The following C11orf65 variants were observed in gnomAD, a reference collection of about 807,000 sequenced individuals.
C11orf65 encodes the protein protein MFI.
C11orf65 carries 38 observed loss-of-function variants against 35.3 expected under a neutral mutation model. That is an observed-to-expected ratio of 1.08 (90% CI 0.83 to 1.41). The LOEUF (loss-of-function observed/expected upper bound fraction) is 1.41, where lower values mean the gene tolerates loss of function less well. Among genes scored for constraint, C11orf65 ranks in the 40% most tolerant of loss-of-function variants. The probability of loss-of-function intolerance (pLI) is 0.00; values close to 1 mark genes in which losing one functional copy is unlikely to be tolerated. For missense variants in C11orf65, 370 were observed against 367.1 expected (o/e 1.01, Z -0.06); for synonymous variants, 105 against 114.4 (o/e 0.92, Z 0.53).
chr11:108,332,139 C>T (rs1261720941), intron 3 of C11orf65: 4 of 1,459,522 alleles, frequency 2.7e-6, no homozygotes, highest in Non-Finnish European at 3.7e-6. Context: ...CATCTAAAAT[C>T]GGTTCAAGGC....
downstream of C11orf65, among the ~76,000 whole-genome samples, chr11:108,329,829 T>C (rs1001587523): frequency 1.3e-5 from 2 of 152,228 alleles, no homozygotes; most frequent in African/African-American, 4.8e-5. Flanking sequence ...ATTAGCTTTC[T>C]GTTTTGCTTT....
At chr11:108,441,862 G>A (rs1241174542) in intron 2 of C11orf65, among the ~76,000 whole-genome samples, 2 of 152,152 alleles carry the variant, frequency 1.3e-5, no homozygotes, top group South Asian at 2.1e-4. Flanking sequence ...CCACAAAGAC[G>A]GGGAGAAACC....
At chr11:108,431,914 CA>C in intron 2 of C11orf65, 76 bp from the exon 3 acceptor site, 2 of 772,814 alleles carry the variant, frequency 2.6e-6, no homozygotes, top group East Asian at 2.7e-5. Context: ...CTAATCAGGG[CA>C]AAAACGAATA....
chr11:108,455,681 C>T (rs1254510767), intron 2 of C11orf65, among the ~76,000 whole-genome samples: 9 of 151,570 alleles, frequency 5.9e-5, no homozygotes, highest in Admixed American at 6.6e-5. Context: ...TCAGGTGTGG[C>T]GGCACATGCC....
intron 2 of C11orf65, among the ~76,000 whole-genome samples, chr11:108,359,446 C>T (rs1402217049): frequency 6.6e-6 from 1 of 152,022 alleles, no homozygotes; most frequent in African/African-American, 2.4e-5. Context: ...CCAAGCGGAC[C>T]TAATAGACAT....
At chr11:108,345,968 G>A (rs1476557809) in intron 2 of C11orf65, 1 of 1,592,556 alleles carries the variant, frequency 6.3e-7, no homozygotes. Context: ...TTTTATTTTT[G>A]TTTGATTCAG....
chr11:108,359,889 A>G (rs998355596), intron 2 of C11orf65, among the ~76,000 whole-genome samples: 1 of 152,218 alleles, frequency 6.6e-6, no homozygotes, highest in Admixed American at 6.5e-5. Flanking sequence ...TAAAAGAGCT[A>G]GAAAAGGAAG....
chr11:108,412,257 G>A (rs767059302), intron 3 of C11orf65, among the ~76,000 whole-genome samples: 25 of 151,340 alleles, frequency 1.7e-4, no homozygotes, highest in Non-Finnish European at 2.7e-4. Context: ...ACATGAAATC[G>A]TATAAAATGC....
rs749193688 is a variant in C11orf65, at chr11:108,345,896, A to G, written c.227-10604T>C. ...ATTGGCTTATACGCGCAGTGTAGCT[A>G]CTTCTTCTATTGGTAATCTTCTTGT... On this transcript the variant is annotated intron_variant, in intron 2 of 3. Coordinates refer to the C11orf65 transcript ENST00000524755. 7.4e-6 allele frequency: 12 copies of G among 1,613,662 alleles called. No individual in the cohort carries two copies. Among genetic ancestry groups the G allele is most frequent in the Admixed American group, 5.0e-5 (3 of 59,988 alleles).
chr11:108,353,625 A>C, intron 2 of C11orf65: 1 of 686,498 alleles, frequency 1.5e-6, no homozygotes, highest in Non-Finnish European at 2.6e-6. Flanking sequence ...CAGCCAGAGC[A>C]GAAGTAAACT....
intron 3 of C11orf65, among the ~76,000 whole-genome samples, chr11:108,407,364 T>C (rs1160878686): frequency 6.6e-6 from 1 of 152,032 alleles, no homozygotes; most frequent in Non-Finnish European, 1.5e-5. Flanking sequence ...CAGGCTGGAG[T>C]GCGGTGGCAT....
chr11:108,309,484 G>A (rs1018102545), intron 6 of C11orf65, among the ~76,000 whole-genome samples: 1 of 152,170 alleles, frequency 6.6e-6, no homozygotes, highest in African/African-American at 2.4e-5. Flanking sequence ...GGTTTAAGAA[G>A]TTAAGTTGCT....
intron 2 of C11orf65, among the ~76,000 whole-genome samples, chr11:108,448,294 A>C (rs955017200): frequency 1.3e-5 from 2 of 152,230 alleles, no homozygotes; most frequent in African/African-American, 4.8e-5. Flanking sequence ...TGAGGCCAGC[A>C]TTATCCTGAT....
intron 2 of C11orf65, among the ~76,000 whole-genome samples, chr11:108,360,270 C>G (rs531865133): frequency 9.4e-6 from 1 of 106,476 alleles, no homozygotes; most frequent in Non-Finnish European, 2.2e-5. Flanking sequence ...TCTGAATAGA[C>G]CAGTAACAGG....
intron 3 of C11orf65, among the ~76,000 whole-genome samples, chr11:108,420,288 T>C (rs1386826691): frequency 6.6e-6 from 1 of 152,202 alleles, no homozygotes; most frequent in Non-Finnish European, 1.5e-5. Flanking sequence ...GATGCTTATA[T>C]GAAGTTTGAG....
intron 1 of C11orf65, chr11:108,462,525 G>T (rs1305646377): frequency 6.6e-6 from 1 of 152,178 alleles, no homozygotes; most frequent in Admixed American, 6.5e-5. Context: ...AGTTTATCTT[G>T]AAAGTCCATG....
downstream of C11orf65, among the ~76,000 whole-genome samples, chr11:108,380,897 C>T (rs1299810164): frequency 1.3e-5 from 2 of 152,144 alleles, no homozygotes; most frequent in Non-Finnish European, 2.9e-5. Context: ...CTATAAAATG[C>T]ATGATTTACT....
At chr11:108,315,772 A>T (rs372978004) in intron 6 of C11orf65, 2 of 1,468,016 alleles carry the variant, frequency 1.4e-6, no homozygotes, top group Admixed American at 1.7e-5. Context: ...TGCTAAATTT[A>T]TAGACCGATT....
chr11:108,330,287 C>T (rs201314561), downstream of C11orf65: 99 of 1,614,160 alleles, frequency 6.1e-5, no homozygotes, highest in African/African-American at 5.2e-4. Flanking sequence ...GGATCGTAAA[C>T]GCTTCTTATG....
Sources: allele counts gnomAD v4.1 joint callset (sites outside exome capture counted in the v4.1 genomes callset), GRCh38; gene constraint gnomAD v4.1.1; transcripts MANE v1.5; gene names NCBI Gene and HGNC (gene_info 2026-07-23, HGNC 2026-07-21).